Variants in CERT1 observed in about 807,000 individuals in gnomAD.
CERT1 encodes the protein ceramide transporter 1.
CERT1 carries 31 observed loss-of-function variants against 87.9 expected under a neutral mutation model. The observed-to-expected ratio is 0.35, with a 90% CI of 0.27 to 0.48. The LOEUF is 0.48. CERT1 is among the 20% of genes least tolerant of loss of function. CERT1 has a pLI of 0.99. For synonymous variants in CERT1, 289 were observed against 250.9 expected, an observed-to-expected ratio of 1.15 and a Z score of -1.44; for missense variants, 487 against 758.0, an observed-to-expected ratio of 0.64 and a Z score of 4.20.
intron 2 of CERT1, among the ~76,000 whole-genome samples, chr5:75,469,086 G>A (rs1765593346): frequency 6.6e-6 from 1 of 151,798 alleles, no homozygotes; most frequent in Non-Finnish European, 1.5e-5. Context: ...AATAGCAAAT[G>A]ACAAGATGAG....
At chr5:75,468,017 C>T (rs1765545926) in intron 2 of CERT1, among the ~76,000 whole-genome samples, 1 of 152,044 alleles carries the variant, frequency 6.6e-6, no homozygotes, top group Non-Finnish European at 1.5e-5. Context: ...GTGGTTGGCC[C>T]TTAGTGTTAG....
intron 1 of CERT1, among the ~76,000 whole-genome samples, chr5:75,509,587 C>A (rs1233986608): frequency 6.6e-6 from 1 of 152,084 alleles, no homozygotes; most frequent in African/African-American, 2.4e-5. Context: ...TATACCTACT[C>A]CAGAGCACTG....
chr5:75,489,420 T>G (rs1766672029), intron 2 of CERT1, among the ~76,000 whole-genome samples: 1 of 152,136 alleles, frequency 6.6e-6, no homozygotes, highest in Non-Finnish European at 1.5e-5. Context: ...ACTAAAGAGC[T>G]TCTGCACAGC....
At chr5:75,427,746 A>G (rs1763681978) in intron 3 of CERT1, among the ~76,000 whole-genome samples, 2 of 152,196 alleles carry the variant, frequency 1.3e-5, no homozygotes, top group South Asian at 4.1e-4. Context: ...GTAAGTATTT[A>G]TATTGAACAG....
At chr5:75,381,268 T>G in intron 15 of CERT1, 67 bp from the exon 16 acceptor site, 3 of 1,558,806 alleles carry the variant, frequency 1.9e-6, no homozygotes, top group Non-Finnish European at 2.6e-6. Context: ...GGTCTAATAT[T>G]ATATTAGGTT....
intron 2 of CERT1, among the ~76,000 whole-genome samples, chr5:75,462,777 G>C (rs1425041400): frequency 7.9e-5 from 12 of 151,830 alleles, no homozygotes; most frequent in Admixed American, 3.3e-4. Flanking sequence ...GTGGATCACG[G>C]GGTCAGGAGA....
chr5:75,429,084 C>CA (rs1405426512), intron 3 of CERT1, among the ~76,000 whole-genome samples: 4 of 151,198 alleles, frequency 2.6e-5, no homozygotes, highest in Admixed American at 6.6e-5. Context: ...GTCTTTTTGT[C>CA]AAAAAACATC....
chr5:75,446,193 T>A (rs1435093766), intron 3 of CERT1, among the ~76,000 whole-genome samples: 1 of 152,210 alleles, frequency 6.6e-6, no homozygotes, highest in East Asian at 1.9e-4. Flanking sequence ...TTCACTTCAA[T>A]CTTTTCTTTT....
intron 6 of CERT1, 53 bp downstream of exon 6, chr5:75,419,288 A>G (rs1169269920): frequency 4.2e-6 from 5 of 1,186,268 alleles, no homozygotes; most frequent in East Asian, 4.9e-5. Flanking sequence ...GAGTTGTTAC[A>G]TAACTTCTGA....
At chr5:75,368,825 C>T (rs1760982498) in intron 17 of CERT1, 1 of 152,068 alleles carries the variant, frequency 6.6e-6, no homozygotes, top group African/African-American at 2.4e-5. Flanking sequence ...GAAAATAAAA[C>T]AATAATGTAC....
chr5:75,510,809 CGGATTCCTTACA>C (rs1320682178), intron 1 of CERT1, among the ~76,000 whole-genome samples: 1 of 152,158 alleles, frequency 6.6e-6, no homozygotes, highest in Non-Finnish European at 1.5e-5. Flanking sequence ...AAGCCCAACC[CGGATTCCTTACA>C]CCCGGGACAG....
chr5:75,475,112 C>G (rs184940549), intron 2 of CERT1, among the ~76,000 whole-genome samples: 11 of 152,178 alleles, frequency 7.2e-5, no homozygotes, highest in Non-Finnish European at 1.3e-4. Flanking sequence ...CTTGTCAGTG[C>G]CCCAGACATA....
intron 2 of CERT1, among the ~76,000 whole-genome samples, chr5:75,496,471 GTATCT>G (rs1767075105): frequency 6.6e-6 from 1 of 152,060 alleles, no homozygotes; most frequent in Admixed American, 6.5e-5. Context: ...CCATTCATAG[GTATCT>G]ACCCAGGAGA....
At chr5:75,386,907 G>C (rs10942736) in intron 12 of CERT1, among the ~76,000 whole-genome samples, 12,017 of 152,058 alleles carry the variant, frequency 0.079, 569 homozygotes, top group South Asian at 0.17. Context: ...CGCTATTGTT[G>C]CCCAGGCTGG....
chr5:75,489,450 G>A (rs983347486), intron 2 of CERT1, among the ~76,000 whole-genome samples: 8 of 152,166 alleles, frequency 5.3e-5, no homozygotes, highest in African/African-American at 1.7e-4. Context: ...TATCATCAGA[G>A]TGAACAGGCA....
chr5:75,473,937 G>A (rs1025916408), intron 2 of CERT1, among the ~76,000 whole-genome samples: 1 of 152,048 alleles, frequency 6.6e-6, no homozygotes, highest in Non-Finnish European at 1.5e-5. Flanking sequence ...TCATTGTTAT[G>A]AAGGAAGAGA....
chr5:75,472,949 C>T (rs1014871771), intron 2 of CERT1, among the ~76,000 whole-genome samples: 1 of 152,154 alleles, frequency 6.6e-6, no homozygotes, highest in Non-Finnish European at 1.5e-5. Flanking sequence ...GTTGAAGAGA[C>T]ATCTGTACTT....
intron 8 of CERT1, among the ~76,000 whole-genome samples, chr5:75,407,528 CCAAACAAA>C (rs138025804): frequency 1.4e-5 from 2 of 144,998 alleles, no homozygotes; most frequent in Non-Finnish European, 3.0e-5. Flanking sequence ...GAAAAAAAAC[CCAAACAAA>C]CAAACAAACA....
At chr5:75,455,573 T>C (rs562061546) in intron 3 of CERT1, among the ~76,000 whole-genome samples, 3 of 152,298 alleles carry the variant, frequency 2.0e-5, no homozygotes, top group Non-Finnish European at 4.4e-5. Context: ...AAATCCACAT[T>C]TGCCAGACTC....
Sources: allele counts gnomAD v4.1 joint callset (sites outside exome capture counted in the v4.1 genomes callset), GRCh38; gene constraint gnomAD v4.1.1; transcripts MANE v1.5; gene names NCBI Gene and HGNC (gene_info 2026-07-23, HGNC 2026-07-21).